The following GPC5 variants were observed in gnomAD, a reference collection of about 807,000 sequenced individuals.
GPC5 encodes glypican 5.
Under a neutral mutation model 53.9 loss-of-function variants are expected in GPC5, and 47 were observed. The observed-to-expected ratio is 0.87, with a 90% CI of 0.69 to 1.11. The LOEUF (loss-of-function observed/expected upper bound fraction) is 1.11. Among genes scored for constraint, GPC5 ranks in the 50% most tolerant of loss-of-function variants. The pLI is 0.00. For missense variants in GPC5, 748 were observed against 713.1 expected (o/e 1.05, Z -0.56); for synonymous variants, 286 against 263.3 (o/e 1.09, Z -0.84).
intron 7 of GPC5, among the ~76,000 whole-genome samples, chr13:92,774,166 T>G: frequency 6.6e-6 from 1 of 152,166 alleles, no homozygotes; most frequent in Non-Finnish European, 1.5e-5. Flanking sequence ...AGAACATATT[T>G]CACACATAAA....
At chr13:92,809,620 G>T (rs1389884433) in intron 7 of GPC5, among the ~76,000 whole-genome samples, 1 of 152,060 alleles carries the variant, frequency 6.6e-6, no homozygotes, top group East Asian at 1.9e-4. Flanking sequence ...TTTAAAATTT[G>T]TAATTGTTTT....
Position 92,621,460 on chromosome 13 carries a change from G to C in GPC5, c.1562-244822G>C, listed in dbSNP as rs145159580. 2.2e-3 allele frequency among the ~76,000 whole-genome samples: 332 copies of C among 152,240 alleles called. 3 individuals are homozygous for C. The highest frequency in any genetic ancestry group is 7.9e-3 in the African/African-American group (327 of 41,558). The stretch of plus-strand genomic sequence containing the variant: ...ATTTTTTCTGCGAGGCCAACATCTA[G>C]CCCACAGAAAACGTGACTGAACTTT... On this transcript the variant is annotated intron_variant, in intron 7 of 7. Transcript: ENST00000377067.
chr13:91,793,135 T>C (rs1441748615), intron 5 of GPC5, among the ~76,000 whole-genome samples: 6 of 152,130 alleles, frequency 3.9e-5, no homozygotes, highest in African/African-American at 1.4e-4. Context: ...TCACAGTTCC[T>C]TAGAGCAGGG....
At chr13:91,903,042 T>TTA (rs1555295678) in intron 5 of GPC5, among the ~76,000 whole-genome samples, 10 of 151,802 alleles carry the variant, frequency 6.6e-5, no homozygotes, top group African/African-American at 2.4e-4. Flanking sequence ...TTTTTTTTTT[T>TTA]TAACAAACTT....
Position 92,604,933 on chromosome 13 carries a change from C to T in GPC5, c.1562-261349C>T, listed in dbSNP as rs576830199. ...TGCATTTTGTGGAATCTTGCTGACT[C>T]TTCATTAAGGAATTTGAGGGCAATT... On this transcript the variant is annotated intron_variant, in intron 7 of 7. Coordinates refer to ENST00000377067, the MANE Select transcript of GPC5 (RefSeq NM_004466.6). Among the ~76,000 whole-genome samples the T allele has an allele frequency of 4.8e-4, 73 of 152,288 alleles. No homozygotes were observed. The South Asian group carries it at 0.013, about 26-fold the overall frequency.
intron 2 of GPC5, among the ~76,000 whole-genome samples, chr13:91,689,505 T>TA (rs2035708055): frequency 1.3e-5 from 2 of 151,286 alleles, no homozygotes; most frequent in South Asian, 2.1e-4. Context: ...CTTCAATTTT[T>TA]AAAAAACTTT....
chr13:92,367,349 C>T (rs9589523), intron 7 of GPC5, among the ~76,000 whole-genome samples: 61,483 of 151,966 alleles, frequency 0.4, 12,562 homozygotes, highest in Middle Eastern at 0.52. Context: ...TTTAGAGTGA[C>T]CTTCTAGAAG....
chr13:91,636,426 AGTGT>A (rs1407685565), intron 2 of GPC5, among the ~76,000 whole-genome samples: 1 of 151,644 alleles, frequency 6.6e-6, no homozygotes, highest in Non-Finnish European at 1.5e-5. Flanking sequence ...ACGTGTGTGC[AGTGT>A]GTGTGTATTT....
At chr13:91,546,763 T>G (rs2030314464) in intron 2 of GPC5, among the ~76,000 whole-genome samples, 1 of 152,096 alleles carries the variant, frequency 6.6e-6, no homozygotes, top group South Asian at 2.1e-4. Flanking sequence ...GATTTTAAAC[T>G]TTGACATAAA....
chr13:92,147,180 T>G (rs908022268), intron 7 of GPC5, among the ~76,000 whole-genome samples: 3 of 151,858 alleles, frequency 2.0e-5, no homozygotes, highest in African/African-American at 7.3e-5. Context: ...TGAAAAAGGG[T>G]TTTCACTAGA....
chr13:92,512,647 C>T (rs1446297390), intron 7 of GPC5, among the ~76,000 whole-genome samples: 1 of 152,088 alleles, frequency 6.6e-6, no homozygotes, highest in Admixed American at 6.5e-5. Context: ...GTTAGCTCTT[C>T]TGTATTTTCA....
intron 5 of GPC5, among the ~76,000 whole-genome samples, chr13:91,839,520 T>C (rs541535818): frequency 6.6e-6 from 1 of 152,182 alleles, no homozygotes; most frequent in East Asian, 1.9e-4. Context: ...GTTAATGTTA[T>C]ATATTTTAAA....
intron 7 of GPC5, among the ~76,000 whole-genome samples, chr13:92,176,438 C>A (rs1369301395): frequency 1.3e-5 from 2 of 152,122 alleles, no homozygotes; most frequent in Non-Finnish European, 2.9e-5. Context: ...TGCTCCTAAC[C>A]ACTGGGTACA....
intron 5 of GPC5, among the ~76,000 whole-genome samples, chr13:91,851,037 G>A (rs1040590420): frequency 2.0e-5 from 3 of 152,218 alleles, no homozygotes; most frequent in African/African-American, 7.2e-5. Context: ...GCAATATGAT[G>A]ATAAAGAATA....
chr13:92,365,403 G>GTT, intron 7 of GPC5, among the ~76,000 whole-genome samples: 1 of 151,838 alleles, frequency 6.6e-6, no homozygotes, highest in East Asian at 1.9e-4. Context: ...CTCTGGGCAG[G>GTT]TTAATGAGTG....
intron 5 of GPC5, among the ~76,000 whole-genome samples, chr13:91,774,886 C>T (rs966508790): frequency 6.6e-6 from 1 of 152,154 alleles, no homozygotes; most frequent in Non-Finnish European, 1.5e-5. Context: ...GCCTCCCTCA[C>T]TCCTCTTTAC....
intron 6 of GPC5, among the ~76,000 whole-genome samples, chr13:92,000,971 G>C (rs892736297): frequency 2.2e-4 from 33 of 151,716 alleles, no homozygotes; most frequent in Middle Eastern, 3.4e-3. Context: ...GCAAAATTAA[G>C]TGAAGAGATG....
chr13:92,415,813 C>A (rs1043088574), intron 7 of GPC5, among the ~76,000 whole-genome samples: 5 of 151,968 alleles, frequency 3.3e-5, no homozygotes, highest in African/African-American at 1.2e-4. Flanking sequence ...GAAAGATGAA[C>A]CAATTTTGAA....
chr13:91,424,368 T>TC (rs1267991695), intron 1 of GPC5, among the ~76,000 whole-genome samples: 3 of 149,320 alleles, frequency 2.0e-5, no homozygotes, highest in Admixed American at 6.7e-5. Flanking sequence ...CTGCTTTTTT[T>TC]TTTTTTTTTT....
Sources: gnomAD v4.1 joint callset for allele counts (sites outside exome capture counted in the v4.1 genomes callset) on GRCh38, gnomAD v4.1.1 for gene constraint, MANE v1.5 for transcripts, NCBI Gene and HGNC (gene_info 2026-07-23, HGNC 2026-07-21) for gene names.